UBN2: variants seen among roughly 807,000 people sequenced by gnomAD.
UBN2 encodes the protein ubinuclein-2.
UBN2 carries 35 observed loss-of-function variants against 120.2 expected under a neutral mutation model. That is an observed-to-expected ratio of 0.29 (90% CI 0.22 to 0.39). UBN2 has a LOEUF of 0.39. Ranked by LOEUF, UBN2 falls within the 10% of genes least tolerant of loss-of-function variation. The probability of loss-of-function intolerance (pLI) is 1.00; values close to 1 mark genes in which losing one functional copy is unlikely to be tolerated. For synonymous variants in UBN2, 661 were observed against 648.7 expected, an observed-to-expected ratio of 1.02 and a Z score of -0.29; for missense variants, 1,693 against 1,663.2, an observed-to-expected ratio of 1.02 and a Z score of -0.31.
chr7:139,251,653 T>C (rs1180043111), intron 2 of UBN2, among the ~76,000 whole-genome samples: 4 of 152,200 alleles, frequency 2.6e-5, no homozygotes, highest in Non-Finnish European at 5.9e-5. Flanking sequence ...CGAAGTGCAG[T>C]TTTTATCACA....
Position 139,298,204 on chromosome 7 carries a change from A to G in UBN2, c.*368A>G. 1 of 217,128 alleles carries G rather than the reference A, an allele frequency of 4.6e-6. No homozygotes were observed. 13.5% of individuals were successfully genotyped at this position (217,128 alleles called of 1,614,324 possible). A position where few individuals can be genotyped will look rare whatever the true frequency, so the allele number is the denominator to read the frequency against. On this transcript the variant is annotated 3_prime_UTR_variant, in exon 18 of 18. Coordinates refer to ENST00000473989, the MANE Select transcript of UBN2 (RefSeq NM_173569.4). ...AAACTCCATCCATCCTGGGGGTTGG[A>G]TCTGAACACTTACAGACATAATTGG... is the stretch of plus-strand genomic sequence containing the variant.
chr7:139,273,256 T>A (rs1334604421), intron 9 of UBN2, 41 bp from the exon 10 acceptor site: 1 of 1,396,142 alleles, frequency 7.2e-7, no homozygotes, highest in Non-Finnish European at 1.0e-6. Context: ...TAGGCAGTGT[T>A]GGGTTAAAAG....
the UBN2 span, among the ~76,000 whole-genome samples, chr7:139,320,292 T>A: frequency 6.6e-6 from 1 of 150,944 alleles, no homozygotes; most frequent in African/African-American, 2.4e-5. Flanking sequence ...TGAAACCCCG[T>A]CTCTACTAAG....
intron 15 of UBN2, among the ~76,000 whole-genome samples, chr7:139,290,889 G>A (rs1299219084): frequency 6.6e-6 from 1 of 152,140 alleles, no homozygotes; most frequent in Middle Eastern, 3.2e-3. Flanking sequence ...TGGAAAGATT[G>A]TCTGCATTTT....
At chr7:139,271,696 G>A (rs906436447) in intron 8 of UBN2, among the ~76,000 whole-genome samples, 2 of 152,180 alleles carry the variant, frequency 1.3e-5, no homozygotes, top group Non-Finnish European at 2.9e-5. Context: ...TAAGATGCTT[G>A]TAAGATGAAA....
Position 139,231,663 on chromosome 7 carries a change from G to A in UBN2, c.179G>A (p.Arg60His). Residue 60 changes from arginine (R) to histidine (H), a missense_variant, in exon 1 of 18, where the codon CGC becomes CAC. By Grantham distance (29) the Arg-to-His change is conservative (BLOSUM62 0). Coordinates refer to ENST00000473989, the MANE Select transcript of UBN2 (RefSeq NM_173569.4). ...CCGGCCCCGCGGGAGCCTGCCCCCCGCTCGGACGCGCAGCCCCCGTCGCGG... is the reference window on the plus strand; with the variant it reads ...CCGGCCCCGCGGGAGCCTGCCCCCCACTCGGACGCGCAGCCCCCGTCGCGG... The part of the protein sequence containing the change: ...EPPAPREPAP[R>H]SDAQPPSREK... The A allele has an allele frequency of 2.5e-6, 3 of 1,194,580 alleles. No individual in the cohort carries two copies. The highest frequency in any genetic ancestry group is 2.1e-6 in the Non-Finnish European group (2 of 966,768). The allele number at this position is 1,194,580 out of a possible 1,614,324, so 74.0% of individuals were successfully genotyped here. A position where few individuals can be genotyped will look rare whatever the true frequency, so the allele number is the denominator to read the frequency against.
Position 139,269,400 on chromosome 7 carries a change from G to C in UBN2, c.1473G>C (p.Glu491Asp). ...QDMNNILLDI[E>D]LQLQELGPVI... is the part of the protein sequence containing the mutation. Reference sequence around the variant, plus strand: ...TGTTAACTTTTTTGGCCAGCATTGAGTTACAGCTACAAGAACTAGGCCCTG... The same window carrying C: ...TGTTAACTTTTTTGGCCAGCATTGACTTACAGCTACAAGAACTAGGCCCTG... The change falls in exon 8 of 18, where the codon GAG becomes GAC. Residue 491 changes from glutamate to aspartate, a missense_variant. By Grantham distance (45) the Glu-to-Asp change is conservative (BLOSUM62 2). Transcript: ENST00000473989. 1 of 1,613,898 alleles carries C rather than the reference G, an allele frequency of 6.2e-7. No individual in the cohort carries two copies. Among genetic ancestry groups the C allele is most frequent in the East Asian group, 2.2e-5 (1 of 44,882 alleles).
In UBN2 at chr7:139,303,526, A is replaced by G. The variant is rs1332846093; in HGVS notation, c.*5690A>G. ...TCACGAGTGTTATTCTTGAATGACT[A>G]TGTCTAGGGGGAATATTGTTTAACC... On this transcript the variant is annotated 3_prime_UTR_variant, in exon 18 of 18. Transcript: ENST00000473989. The G allele has an allele frequency of 5.9e-5, 9 of 152,188 alleles. No individual in the cohort carries two copies. The highest frequency in any genetic ancestry group is 2.1e-4 in the South Asian group (1 of 4,828). 9.4% of individuals were successfully genotyped at this position (152,188 alleles called of 1,614,324 possible). A position where few individuals can be genotyped will look rare whatever the true frequency, so the allele number is the denominator to read the frequency against.
rs1584978628 is a variant in UBN2, at chr7:139,231,800, C to G, written c.316C>G (p.Pro106Ala). Residue 106 changes from proline (P) to alanine (A), a missense_variant, in exon 1 of 18, where the codon CCG (proline) becomes GCG (alanine). By Grantham distance (27) the Pro-to-Ala change is conservative (BLOSUM62 -1). Transcript: ENST00000473989. ...PPPFPPLPLQ[P>A]PPPRESASRA... ...GCCGTTCCCGCCGCTGCCCTTGCAGCCGCCCCCGCCGCGGGAGTCGGCTTC... is the reference window on the plus strand; with the variant it reads ...GCCGTTCCCGCCGCTGCCCTTGCAGGCGCCCCCGCCGCGGGAGTCGGCTTC... The G allele has an allele frequency of 7.0e-7, 1 of 1,418,712 alleles. No individual in the cohort carries two copies. The highest frequency in any genetic ancestry group is 3.1e-5 in the East Asian group (1 of 32,318). The allele number at this position is 1,418,712 out of a possible 1,614,324, so 87.9% of individuals were successfully genotyped here. A position where few individuals can be genotyped will look rare whatever the true frequency, so the allele number is the denominator to read the frequency against.
chr7:139,272,110 T>C (rs570136731), intron 8 of UBN2, among the ~76,000 whole-genome samples: 2 of 152,310 alleles, frequency 1.3e-5, no homozygotes, highest in South Asian at 4.1e-4. Context: ...AAACTGGAAC[T>C]CTTCTTGGCT....
In UBN2 at chr7:139,274,418, A is replaced by G. The variant is rs1797380531; in HGVS notation, c.1973+344A>G. Among the ~76,000 whole-genome samples the G allele has an allele frequency of 2.0e-5, 3 of 152,324 alleles. No individual in the cohort carries two copies. In the South Asian group the frequency reaches 6.2e-4, roughly 32 times the overall value. ...GTAACATGAAGATGAGGAACCTAAT[A>G]TGGGATTAGAGCATAGGAAAAGAGA... On this transcript the variant is annotated intron_variant, in intron 11 of 17. Transcript: ENST00000473989.
intron 3 of UBN2, among the ~76,000 whole-genome samples, chr7:139,252,665 C>T (rs1399922045): frequency 6.6e-6 from 1 of 152,036 alleles, no homozygotes; most frequent in South Asian, 2.1e-4. Context: ...ATGCTCTGCT[C>T]CTTTCCAGTT....
At chr7:139,277,933 C>T (rs1046834626) in intron 12 of UBN2, among the ~76,000 whole-genome samples, 2 of 151,970 alleles carry the variant, frequency 1.3e-5, no homozygotes, top group Non-Finnish European at 2.9e-5. Flanking sequence ...AAAAGAGAAC[C>T]GTTTAACAGT....
At chr7:139,289,000 CAAA>C (rs200360523) in intron 15 of UBN2, among the ~76,000 whole-genome samples, 11 of 66,688 alleles carry the variant, frequency 1.6e-4, no homozygotes, top group Non-Finnish European at 2.5e-4. Context: ...GACGCCATCT[CAAA>C]AAAAAAAAAA....
Position 139,300,593 on chromosome 7 carries a change from A to G in UBN2, c.*2757A>G, listed in dbSNP as rs1001975893. 7 of 152,246 alleles carry G rather than the reference A, an allele frequency of 4.6e-5. No homozygotes were observed. The highest frequency in any genetic ancestry group is 2.0e-4 in the Admixed American group (3 of 15,280). 9.4% of individuals were successfully genotyped at this position (152,246 alleles called of 1,614,324 possible). A position where few individuals can be genotyped will look rare whatever the true frequency, so the allele number is the denominator to read the frequency against. On this transcript the variant is annotated 3_prime_UTR_variant, in exon 18 of 18. Transcript: ENST00000473989. ...TGGTGAGTCATTGGAAAGGATATCTATAGAGCAACGTGTATTTCTGAAGAG... is the reference window on the plus strand; with the variant it reads ...TGGTGAGTCATTGGAAAGGATATCTGTAGAGCAACGTGTATTTCTGAAGAG...
In UBN2 at chr7:139,269,534, G is replaced by C; in HGVS notation, c.1596+11G>C. On this transcript the variant is annotated intron_variant, in intron 8 of 17. Transcript: ENST00000473989. ...CATCTCAATGTCCAGGTAAGAGGAA[G>C]AACAATAATATCTACATCTTGGGTT... The C allele has an allele frequency of 6.2e-7, 1 of 1,612,934 alleles. No homozygotes were observed. The highest frequency in any genetic ancestry group is 8.5e-7 in the Non-Finnish European group (1 of 1,179,652).
intron 1 of UBN2, among the ~76,000 whole-genome samples, chr7:139,235,410 T>G (rs960106534): frequency 3.3e-5 from 5 of 152,210 alleles, no homozygotes; most frequent in African/African-American, 1.2e-4. Context: ...TTATTTATTT[T>G]TTTGAGATGA....
chr7:139,249,709 T>C (rs886483173), intron 2 of UBN2, among the ~76,000 whole-genome samples: 1 of 152,092 alleles, frequency 6.6e-6, no homozygotes, highest in Non-Finnish European at 1.5e-5. Flanking sequence ...GGTTTTGTTT[T>C]TGCTTTTGTT....
At chr7:139,238,952 A>G (rs916121913) in intron 2 of UBN2, among the ~76,000 whole-genome samples, 2 of 152,266 alleles carry the variant, frequency 1.3e-5, no homozygotes, top group Admixed American at 6.5e-5. Flanking sequence ...AAATCCTAGC[A>G]TGTATAAATC....
Sources: allele counts gnomAD v4.1 joint callset (sites outside exome capture counted in the v4.1 genomes callset), GRCh38; gene constraint gnomAD v4.1.1; transcripts MANE v1.5; gene names NCBI Gene and HGNC (gene_info 2026-07-23, HGNC 2026-07-21).